The following PM20D1 variants were observed in gnomAD, a reference collection of about 807,000 sequenced individuals.
PM20D1 encodes peptidase M20 domain containing 1, also known as N-fatty-acyl-amino acid synthase/hydrolase PM20D1.
A neutral mutation model predicts 53.8 loss-of-function variants in PM20D1; 53 were observed. That is an observed-to-expected ratio of 0.98 (90% CI 0.79 to 1.24). The LOEUF is 1.24. Ranked by LOEUF, PM20D1 falls within the 50% of genes most tolerant of loss-of-function variation. The probability of loss-of-function intolerance (pLI) is 0.00; values close to 1 mark genes in which losing one functional copy is unlikely to be tolerated. For synonymous variants in PM20D1, 239 were observed against 241.3 expected, an observed-to-expected ratio of 0.99 and a Z score of 0.09; for missense variants, 564 against 616.8, an observed-to-expected ratio of 0.91 and a Z score of 0.91.
rs757590554 is a variant in PM20D1 at position 205,841,842 on chromosome 1, G to T, written c.1013C>A (p.Thr338Lys). ...PLTNAIIRTTTALTIFKAGVK... is the reference protein window; with the variant it reads ...PLTNAIIRTTKALTIFKAGVK... ...CCCTGCTTTGAATATGGTGAGTGCCGTGGTGGTCCTGATTATTGCATTGGT... is the reference window on the plus strand; with the variant it reads ...CCCTGCTTTGAATATGGTGAGTGCCTTGGTGGTCCTGATTATTGCATTGGT... Residue 338 changes from threonine to lysine, a missense_variant, in exon 9 of 13, where the codon ACG (threonine) becomes AAG (lysine). By Grantham distance (78) the Thr-to-Lys change is moderately conservative (BLOSUM62 -1). Coordinates refer to ENST00000367136, the MANE Select transcript of PM20D1 (RefSeq NM_152491.5). 1.1e-5 allele frequency: 18 copies of T among 1,570,030 alleles called. No individual in the cohort carries two copies. In the Admixed American group the frequency reaches 2.7e-4, roughly 24 times the overall value.
At chr1:205,836,940 C>T (rs940457485) in intron 10 of PM20D1, among the ~76,000 whole-genome samples, 1 of 152,198 alleles carries the variant, frequency 6.6e-6, no homozygotes, top group East Asian at 1.9e-4. Context: ...GCTCTTGCTG[C>T]CTGGATGCTA....
At position 205,850,009 on chromosome 1, in the gene PM20D1, C is replaced by A. The variant is rs1428827727; in HGVS notation, c.64G>T (p.Val22Phe). The change falls in exon 1 of 13, where the codon GTC becomes TTC. Residue 22 changes from valine to phenylalanine, a missense_variant. Val to Phe is a conservative substitution (Grantham distance 50). Coordinates refer to ENST00000367136, the MANE Select transcript of PM20D1 (RefSeq NM_152491.5). ...VAMLLLVFPT[V>F]SRSMGPRSGE... ...CTCCTCGGGCCCATCGATCTGGAGA[C>A]GGTAGGGAAAACTAGGAGCAGCATA... 1.9e-6 allele frequency: 3 copies of A among 1,614,128 alleles called. No homozygotes were observed. Among genetic ancestry groups the A allele is most frequent in the Admixed American group, 3.3e-5 (2 of 60,012 alleles).
At chr1:205,838,772 A>G (rs1235491613) in intron 10 of PM20D1, among the ~76,000 whole-genome samples, 1 of 152,190 alleles carries the variant, frequency 6.6e-6, no homozygotes, top group Admixed American at 6.5e-5. Flanking sequence ...TGAATTCCCA[A>G]TCTTAGTCAA....
rs1289593533 is a variant in PM20D1, at chr1:205,845,545, A to G, written c.269T>C (p.Val90Ala). 4 of 1,613,858 alleles carry G rather than the reference A, an allele frequency of 2.5e-6. No individual in the cohort carries two copies. The highest frequency in any genetic ancestry group is 3.4e-6 in the Non-Finnish European group (4 of 1,179,854). The stretch of plus-strand genomic sequence containing the variant: ...ATGCTGGATAAAGCTGGTGCTGACC[A>G]CTGTAGGAAAGACTAGAAGCAAAAA... Reference protein sequence around the residue: ...GKYIHKVFPTVVSTSFIQHEV... With the variant: ...GKYIHKVFPTAVSTSFIQHEV... Residue 90 changes from valine (V) to alanine (A), a missense_variant, in exon 3 of 13, where the codon GTG becomes GCG. Coordinates refer to ENST00000367136, the MANE Select transcript of PM20D1 (RefSeq NM_152491.5).
intron 10 of PM20D1, among the ~76,000 whole-genome samples, chr1:205,833,531 G>A (rs1005253878): frequency 1.3e-5 from 2 of 152,222 alleles, no homozygotes; most frequent in Admixed American, 1.3e-4. Flanking sequence ...TTGTATTCAA[G>A]TTTTCTCTCT....
chr1:205,844,283 T>A, intron 4 of PM20D1, 66 bp from the exon 5 acceptor site: 1 of 1,493,176 alleles, frequency 6.7e-7, no homozygotes, highest in Non-Finnish European at 9.0e-7. Flanking sequence ...ACATAGCTAA[T>A]GGGGACCTAT....
chr1:205,835,906 C>T (rs1295863323), intron 10 of PM20D1, among the ~76,000 whole-genome samples: 3 of 151,874 alleles, frequency 2.0e-5, no homozygotes, highest in East Asian at 2.0e-4. Flanking sequence ...GACGGAGTCT[C>T]GCTCTGTCAC....
chr1:205,833,223 C>T (rs1033443488), intron 10 of PM20D1, among the ~76,000 whole-genome samples: 1 of 152,208 alleles, frequency 6.6e-6, no homozygotes, highest in African/African-American at 2.4e-5. Flanking sequence ...GGTGAGATAT[C>T]CCTTCGATGG....
intron 10 of PM20D1, among the ~76,000 whole-genome samples, chr1:205,833,813 C>A (rs185298553): frequency 1.9e-4 from 29 of 152,188 alleles, no homozygotes; most frequent in African/African-American, 7.0e-4. Context: ...CCCATAGCTG[C>A]AGATCACCTG....
In PM20D1 at chr1:205,844,093, A is replaced by G. The variant is rs1656884443; in HGVS notation, c.701T>C (p.Ile234Thr). The G allele has an allele frequency of 6.2e-7, 1 of 1,611,540 alleles. No individual in the cohort carries two copies. The highest frequency in any genetic ancestry group is 1.3e-5 in the African/African-American group (1 of 74,884). Residue 234 changes from isoleucine to threonine, a missense_variant, in exon 5 of 13, where the codon ATC (isoleucine) becomes ACC (threonine). By Grantham distance (89) the Ile-to-Thr change is moderately conservative. Coordinates refer to ENST00000367136, the MANE Select transcript of PM20D1 (RefSeq NM_152491.5). The part of the protein sequence containing the change: ...DDFIPNFKKP[I>T]ALIAVSEKGS... ...GGTGGGATGCTTTACTCACAAGGCG[A>G]TGGGCTTCTTGAAGTTAGGAATGAA...
chr1:205,830,415 A>G (rs1371542239), intron 11 of PM20D1, 36 bp from the exon 12 acceptor site: 3 of 1,467,970 alleles, frequency 2.0e-6, no homozygotes, highest in Non-Finnish European at 2.9e-6. Flanking sequence ...GGGGCTTTAC[A>G]TGAGCAATCA....
At chr1:205,849,540 C>G (rs1242459717) in intron 1 of PM20D1, among the ~76,000 whole-genome samples, 2 of 152,012 alleles carry the variant, frequency 1.3e-5, no homozygotes, top group African/African-American at 2.4e-5. Flanking sequence ...TTTACGACAC[C>G]GCAGTAATTT....
chr1:205,837,430 C>T (rs990008761), intron 10 of PM20D1, among the ~76,000 whole-genome samples: 12 of 152,196 alleles, frequency 7.9e-5, no homozygotes, highest in African/African-American at 2.9e-4. Flanking sequence ...ACATGGCAGC[C>T]TCTTGGATTT....
chr1:205,835,379 G>A (rs1037055758), intron 10 of PM20D1, among the ~76,000 whole-genome samples: 1 of 152,208 alleles, frequency 6.6e-6, no homozygotes, highest in African/African-American at 2.4e-5. Context: ...GATGATGGTA[G>A]CACCTACCTC....
rs766205030 is a variant in PM20D1 at position 205,843,779 on chromosome 1, C to T, written c.715G>A (p.Val239Ile). 6.2e-7 allele frequency: 1 copy of T among 1,613,784 alleles called. No homozygotes were observed. The highest frequency in any genetic ancestry group is 1.1e-5 in the South Asian group (1 of 91,028). ...NFKKPIALIA[V>I]SEKGSMNLML... is the part of the protein sequence containing the mutation. ...AGGTTCATGGAACCCTTCTCTGAGA[C>T]TGCAATCCTGTAGAAGAGGATCGGA... The change falls in exon 6 of 13, where the codon GTC becomes ATC. Residue 239 changes from valine to isoleucine, a missense_variant. Coordinates refer to ENST00000367136, the MANE Select transcript of PM20D1 (RefSeq NM_152491.5).
chr1:205,842,850 C>A, intron 6 of PM20D1, 99 bp from the exon 7 acceptor site: 1 of 1,056,480 alleles, frequency 9.5e-7, no homozygotes, highest in Non-Finnish European at 1.4e-6. Context: ...TTTCAACGCT[C>A]CTGGCCAAGA....
chr1:205,849,758 A>C, intron 1 of PM20D1, 146 bp downstream of exon 1: 1 of 968,306 alleles, frequency 1.0e-6, no homozygotes, highest in Non-Finnish European at 1.5e-6. Flanking sequence ...TGTGCTGGGA[A>C]GGGTGTTGGG....
At chr1:205,843,383 C>T (rs372134119) in intron 6 of PM20D1, among the ~76,000 whole-genome samples, 1 of 152,162 alleles carries the variant, frequency 6.6e-6, no homozygotes, top group African/African-American at 2.4e-5. Flanking sequence ...GCTCCCCCAA[C>T]CCCCACCTTG....
intron 2 of PM20D1, among the ~76,000 whole-genome samples, chr1:205,847,004 T>G (rs1211126368): frequency 7.7e-6 from 1 of 129,072 alleles, no homozygotes; most frequent in East Asian, 2.0e-4. Context: ...CTTCCTTCCT[T>G]TCTTTTTTTT....
Sources: allele counts gnomAD v4.1 joint callset (sites outside exome capture counted in the v4.1 genomes callset), GRCh38; gene constraint gnomAD v4.1.1; transcripts MANE v1.5; gene names NCBI Gene and HGNC (gene_info 2026-07-23, HGNC 2026-07-21).